Variants in CAMK2D observed in about 807,000 individuals in gnomAD.
CAMK2D encodes calcium/calmodulin dependent protein kinase II delta.
A neutral mutation model predicts 84.0 loss-of-function variants in CAMK2D; 37 were observed. That is an observed-to-expected ratio of 0.44 (90% confidence interval 0.34 to 0.58). The LOEUF is 0.58. CAMK2D is among the 20% of genes least tolerant of loss of function. The probability of loss-of-function intolerance (pLI) is 0.02; values close to 1 mark genes in which losing one functional copy is unlikely to be tolerated. For synonymous variants in CAMK2D, 202 were observed against 212.5 expected, an observed-to-expected ratio of 0.95 and a Z score of 0.43; for missense variants, 448 against 652.5, an observed-to-expected ratio of 0.69 and a Z score of 3.41.
intron 16 of CAMK2D, among the ~76,000 whole-genome samples, chr4:113,492,051 C>A (rs187887): frequency 6.6e-6 from 1 of 151,816 alleles, no homozygotes; most frequent in South Asian, 2.1e-4. Flanking sequence ...TATTAGTCTT[C>A]CTAGCGGTCT....
rs1439653656 is a variant in CAMK2D at position 113,453,184 on chromosome 4, A to G, written c.*1361T>C. ...TTTTTGTTTTAAACTGGGAAATTCT[A>G]ACTCCTTGGAGGAAGACAATGATAC... On this transcript the variant is annotated 3_prime_UTR_variant, in exon 21 of 21. Transcript: ENST00000511664. 2.0e-5 allele frequency: 3 copies of G among 152,172 alleles called. No homozygotes were observed. Among genetic ancestry groups the G allele is most frequent in the Non-Finnish European group, 2.9e-5 (2 of 68,026 alleles). The allele number at this position is 152,172 out of a possible 1,614,324, so 9.4% of individuals were successfully genotyped here. A position where few individuals can be genotyped will look rare whatever the true frequency, so the allele number is the denominator to read the frequency against.
At chr4:113,655,490 G>A (rs1048510581) in intron 3 of CAMK2D, among the ~76,000 whole-genome samples, 2 of 152,050 alleles carry the variant, frequency 1.3e-5, no homozygotes, top group Non-Finnish European at 2.9e-5. Context: ...CTCTCTAGCT[G>A]CTGAAGTTCA....
In CAMK2D at chr4:113,698,353, G is replaced by A. The variant is rs189222521; in HGVS notation, c.161-36581C>T. The stretch of plus-strand genomic sequence containing the variant: ...TGACTCTTTTCTCATACATTGACTT[G>A]GACATGTAACCAAAGATCTCTCTGT... On this transcript the variant is annotated intron_variant, in intron 2 of 20. Transcript: ENST00000511664. 1.6e-3 allele frequency among the ~76,000 whole-genome samples: 250 copies of A among 151,942 alleles called. 1 individual carries two copies. The highest frequency in any genetic ancestry group is 5.7e-3 in the African/African-American group (238 of 41,466).
At chr4:113,746,993 T>C (rs193272219) in intron 2 of CAMK2D, among the ~76,000 whole-genome samples, 409 of 149,604 alleles carry the variant, frequency 2.7e-3, no homozygotes, top group African/African-American at 9.2e-3. Context: ...TATATATATA[T>C]ACATTGAGTA....
At chr4:113,605,873 C>A (rs1159010686) in intron 4 of CAMK2D, among the ~76,000 whole-genome samples, 2 of 151,934 alleles carry the variant, frequency 1.3e-5, no homozygotes, top group Non-Finnish European at 2.9e-5. Context: ...TTAGTGAAAT[C>A]CAAAGTCTTA....
intron 3 of CAMK2D, among the ~76,000 whole-genome samples, chr4:113,631,539 T>C (rs958978746): frequency 2.0e-5 from 3 of 152,138 alleles, no homozygotes; most frequent in African/African-American, 4.8e-5. Context: ...GCCCATTAGA[T>C]GTAGGGCTTC....
intron 3 of CAMK2D, among the ~76,000 whole-genome samples, chr4:113,612,816 G>T (rs776262871): frequency 6.6e-6 from 1 of 152,092 alleles, no homozygotes; most frequent in Non-Finnish European, 1.5e-5. Flanking sequence ...ATTTATAAGG[G>T]GGATAAAAGT....
At chr4:113,705,376 C>T (rs945374019) in intron 2 of CAMK2D, among the ~76,000 whole-genome samples, 16 of 151,086 alleles carry the variant, frequency 1.1e-4, no homozygotes, top group Non-Finnish European at 1.9e-4. Context: ...GCACTCCCTA[C>T]TTCAAAAGCT....
At chr4:113,604,240 T>C (rs1490376002) in intron 4 of CAMK2D, among the ~76,000 whole-genome samples, 2 of 152,196 alleles carry the variant, frequency 1.3e-5, no homozygotes, top group African/African-American at 2.4e-5. Flanking sequence ...GAGTATTTCA[T>C]TGATATCTTT....
Position 113,749,294 on chromosome 4 carries a change from C to T in CAMK2D, c.160+10026G>A, listed in dbSNP as rs1347653817. Among the ~76,000 whole-genome samples the T allele has an allele frequency of 3.5e-5, 4 of 114,132 alleles. No homozygotes were observed. In the Middle Eastern group the frequency reaches 0.019, roughly 549 times the overall value. 74.9% of individuals were successfully genotyped at this position (114,132 alleles called of 152,430 possible). A position where few individuals can be genotyped will look rare whatever the true frequency, so the allele number is the denominator to read the frequency against. On this transcript the variant is annotated intron_variant, in intron 2 of 20. Transcript: ENST00000511664. ...ACCCAGTGTCTTGCAACATATCACA[C>T]AAGAAATTTCCTTGAGGAGAGAACA...
intron 2 of CAMK2D, among the ~76,000 whole-genome samples, chr4:113,671,798 C>G (rs1402648388): frequency 1.3e-5 from 2 of 152,222 alleles, no homozygotes; most frequent in African/African-American, 4.8e-5. Context: ...ACCTGAACTA[C>G]AGATCACCCT....
intron 7 of CAMK2D, among the ~76,000 whole-genome samples, chr4:113,535,001 A>G (rs2098480107): frequency 6.6e-6 from 1 of 152,228 alleles, no homozygotes; most frequent in South Asian, 2.1e-4. Context: ...GCTCAAAAAC[A>G]GACGAGATTT....
At chr4:113,715,628 G>A (rs2099511137) in intron 2 of CAMK2D, among the ~76,000 whole-genome samples, 1 of 152,038 alleles carries the variant, frequency 6.6e-6, no homozygotes, top group Non-Finnish European at 1.5e-5. Flanking sequence ...CCAGGATCAA[G>A]TCGGTTTGGG....
chr4:113,529,050 A>C (rs1163018588), intron 8 of CAMK2D, among the ~76,000 whole-genome samples: 1 of 152,116 alleles, frequency 6.6e-6, no homozygotes, highest in Admixed American at 6.6e-5. Context: ...TTTAAAGTGC[A>C]CTGCATTTGA....
At chr4:113,721,746 A>G (rs574788504) in intron 2 of CAMK2D, among the ~76,000 whole-genome samples, 154 of 152,312 alleles carry the variant, frequency 1.0e-3, no homozygotes, top group African/African-American at 3.7e-3. Flanking sequence ...GGTGGCTTCT[A>G]ATCCCAGCAG....
chr4:113,458,321 G>A (rs2097329888), intron 18 of CAMK2D, among the ~76,000 whole-genome samples: 1 of 152,164 alleles, frequency 6.6e-6, no homozygotes, highest in African/African-American at 2.4e-5. Context: ...GAGATACGAG[G>A]AGGATTTAGT....
chr4:113,544,432 T>C lies in CAMK2D; in HGVS notation c.414+3212A>G, dbSNP rs1352338971. Among the ~76,000 whole-genome samples, 10 of 152,270 alleles carry C rather than the reference T, an allele frequency of 6.6e-5. No homozygotes were observed. In the South Asian group the frequency reaches 2.1e-3, roughly 32 times the overall value. ...CTTTTAATTCATCCAACCAACTAAATTGAGAAGTAGTAGTTATTAAGCATG... is the reference window on the plus strand; with the variant it reads ...CTTTTAATTCATCCAACCAACTAAACTGAGAAGTAGTAGTTATTAAGCATG... On this transcript the variant is annotated intron_variant, in intron 6 of 20. Transcript: ENST00000511664.
In CAMK2D at chr4:113,466,088, C is replaced by T. The variant is rs1048052592; in HGVS notation, c.1136-484G>A. Among the ~76,000 whole-genome samples the T allele has an allele frequency of 3.3e-5, 5 of 150,986 alleles. No homozygotes were observed. The South Asian group carries it at 1.0e-3, about 32-fold the overall frequency. ...CCCACACGGAGAAACTTCATCTCTA[C>T]TGAAAAAAAAATACAAAATTAGCCG... is the stretch of plus-strand genomic sequence containing the variant. On this transcript the variant is annotated intron_variant, in intron 16 of 20. Transcript: ENST00000511664.
intron 16 of CAMK2D, among the ~76,000 whole-genome samples, chr4:113,480,055 G>A (rs2097681821): frequency 1.3e-5 from 2 of 151,890 alleles, no homozygotes; most frequent in Non-Finnish European, 1.5e-5. Flanking sequence ...TCTGCCTCCC[G>A]GGTTCCAGCA....
Sources: gnomAD v4.1 joint callset for allele counts (sites outside exome capture counted in the v4.1 genomes callset) on GRCh38, gnomAD v4.1.1 for gene constraint, MANE v1.5 for transcripts, NCBI Gene and HGNC (gene_info 2026-07-23, HGNC 2026-07-21) for gene names.